ZFHX3: variants seen among roughly 807,000 people sequenced by gnomAD.
ZFHX3 encodes the protein zinc finger homeobox protein 3.
ZFHX3 carries 42 observed loss-of-function variants against 279.1 expected under a neutral mutation model. The ratio of observed to expected loss-of-function variants is 0.15; its 90% CI spans 0.12 to 0.19. The LOEUF (loss-of-function observed/expected upper bound fraction) is 0.19, where lower values mean the gene tolerates loss of function less well. Among genes scored for constraint, ZFHX3 ranks in the 10% least tolerant of loss-of-function variants. The probability of loss-of-function intolerance (pLI) is 1.00; values close to 1 mark genes in which losing one functional copy is unlikely to be tolerated. For missense variants in ZFHX3, 4,981 were observed against 4,754.0 expected, an observed-to-expected ratio of 1.05 and a Z score of -1.40; for synonymous variants, 2,293 against 1,957.8, an observed-to-expected ratio of 1.17 and a Z score of -4.52.
intron 4 of ZFHX3, among the ~76,000 whole-genome samples, chr16:72,842,320 C>CA (rs1336174439): frequency 6.6e-6 from 1 of 152,084 alleles, no homozygotes; most frequent in East Asian, 1.9e-4. Flanking sequence ...TCGGCTCAGG[C>CA]AATCTTCCCG....
chr16:72,907,487 C>A (rs1259805049), intron 3 of ZFHX3, among the ~76,000 whole-genome samples: 1 of 151,554 alleles, frequency 6.6e-6, no homozygotes, highest in Non-Finnish European at 1.5e-5. Flanking sequence ...TCCCCTGTAC[C>A]ACCCCTGTCT....
At chr16:73,891,775 TTCC>T (rs2030547602) in exon 1 of ZFHX3, 1 of 144,002 alleles carries the variant, frequency 6.9e-6, no homozygotes, top group African/African-American at 2.5e-5. Context: ...TCTCTCTCTC[TTCC>T]TCCTCCTCTT....
chr16:73,717,684 T>TC (rs1025568029), intron 1 of ZFHX3, among the ~76,000 whole-genome samples: 1 of 152,032 alleles, frequency 6.6e-6, no homozygotes, highest in African/African-American at 2.4e-5. Context: ...ACCTCTCTCT[T>TC]CCCCCCAGTT....
chr16:73,474,388 A>G (rs1228392980), intron 2 of ZFHX3, among the ~76,000 whole-genome samples: 2 of 152,160 alleles, frequency 1.3e-5, no homozygotes, highest in African/African-American at 4.8e-5. Flanking sequence ...ACCTCAGGTG[A>G]TCCACCCACC....
At chr16:73,596,092 C>T (rs1291989333) in intron 2 of ZFHX3, among the ~76,000 whole-genome samples, 3 of 151,842 alleles carry the variant, frequency 2.0e-5, no homozygotes, top group Non-Finnish European at 4.4e-5. Context: ...GCAATCTCGG[C>T]TCACTGCAAC....
intron 2 of ZFHX3, among the ~76,000 whole-genome samples, chr16:73,655,206 G>C (rs1375183111): frequency 6.6e-6 from 1 of 152,186 alleles, no homozygotes; most frequent in African/African-American, 2.4e-5. Context: ...TCCTCATTTC[G>C]CATCTTTGAG....
intron 1 of ZFHX3, among the ~76,000 whole-genome samples, chr16:73,021,753 C>T (rs1233616832): frequency 1.4e-5 from 2 of 147,930 alleles, no homozygotes; most frequent in South Asian, 4.3e-4. Flanking sequence ...ATCACTTGAA[C>T]CTGGGAGGTG....
intron 1 of ZFHX3, among the ~76,000 whole-genome samples, chr16:73,866,384 GC>G (rs1962022221): frequency 6.6e-6 from 1 of 151,558 alleles, no homozygotes; most frequent in Non-Finnish European, 1.5e-5. Context: ...TCACCATGTT[GC>G]CCTGGTGGGT....
At chr16:73,837,985 G>T (rs1429168657) in intron 1 of ZFHX3, among the ~76,000 whole-genome samples, 1 of 152,196 alleles carries the variant, frequency 6.6e-6, no homozygotes, top group Non-Finnish European at 1.5e-5. Context: ...ATGGTATAGG[G>T]ATAGAAGATT....
intron 1 of ZFHX3, among the ~76,000 whole-genome samples, chr16:73,026,524 A>T (rs982054536): frequency 3.9e-5 from 6 of 151,930 alleles, no homozygotes; most frequent in African/African-American, 7.3e-5. Context: ...ACAAAAAATT[A>T]GCTAGGCATG....
At chr16:72,821,894 A>G (rs1274105318) in intron 5 of ZFHX3, 4 of 152,218 alleles carry the variant, frequency 2.6e-5, no homozygotes, top group Non-Finnish European at 5.9e-5. Context: ...CTATAAAACC[A>G]TAGAACGAGG....
intron 5 of ZFHX3, among the ~76,000 whole-genome samples, chr16:73,195,802 C>T (rs948294985): frequency 3.9e-5 from 6 of 152,004 alleles, no homozygotes; most frequent in Non-Finnish European, 8.8e-5. Flanking sequence ...GAATCAGGAA[C>T]GGCAGGAAGT....
intron 2 of ZFHX3, chr16:73,554,277 A>G (rs1235814547): frequency 1.3e-5 from 2 of 152,216 alleles, no homozygotes; most frequent in African/African-American, 4.8e-5. Flanking sequence ...TACAGAGAAC[A>G]TCTGATGAAA....
intron 3 of ZFHX3, among the ~76,000 whole-genome samples, chr16:73,399,837 G>GGTGTGT (rs4011546): frequency 0.052 from 7,715 of 148,228 alleles, 552 homozygotes; most frequent in South Asian, 0.17. Flanking sequence ...TGTGGTGTGT[G>GGTGTGT]GTGTGTGTGT....
Position 73,508,509 on chromosome 16 carries a change from C to T in ZFHX3, c.-1546-52251G>A, listed in dbSNP as rs74572632. 3.5e-3 allele frequency among the ~76,000 whole-genome samples: 535 copies of T among 152,306 alleles called. 4 individuals carry two copies. Among genetic ancestry groups the T allele is most frequent in the African/African-American group, 0.012 (479 of 41,566 alleles). On this transcript the variant is annotated intron_variant, in intron 2 of 17. Coordinates refer to the ZFHX3 transcript ENST00000641206. ...AGCACAGACATGCAGCTCTTCAGCACTGTCATTACACACATGTGAGTTAGG... is the reference window on the plus strand; with the variant it reads ...AGCACAGACATGCAGCTCTTCAGCATTGTCATTACACACATGTGAGTTAGG...
At chr16:73,784,808 T>TACACACACAC (rs1344909710) in intron 1 of ZFHX3, among the ~76,000 whole-genome samples, 5,132 of 135,556 alleles carry the variant, frequency 0.038, 308 homozygotes, top group African/African-American at 0.13. Flanking sequence ...TATATATATA[T>TACACACACAC]ATATATATAC....
Position 72,957,774 on chromosome 16 carries a change from C to T in ZFHX3, c.2372G>A (p.Gly791Glu). Residue 791 changes from glycine (G) to glutamate (E), a missense_variant, in exon 2 of 10, where the codon GGG (glycine) becomes GAG (glutamate). Gly to Glu is a moderately conservative substitution (Grantham distance 98). This residue lies in a region of ZFHX3 where 1,751 missense variants were observed against 1,770.0 expected (regional missense o/e 0.99). Transcript: ENST00000268489. ...AAAANISSSC[G>E]APSPTKPKTK... is the part of the protein sequence containing the mutation. ...TTTTGGTTTGGTCGGCGAGGGGGCC[C>T]CGCAGGAGCTACTGATATTGGCTGC... 1.2e-6 allele frequency: 2 copies of T among 1,614,080 alleles called. No individual in the cohort carries two copies. Among genetic ancestry groups the T allele is most frequent in the East Asian group, 2.2e-5 (1 of 44,860 alleles).
chr16:73,578,499 G>T (rs945346533), intron 2 of ZFHX3, among the ~76,000 whole-genome samples: 1 of 152,110 alleles, frequency 6.6e-6, no homozygotes, highest in Middle Eastern at 3.2e-3. Flanking sequence ...ATGCTAAGAG[G>T]CTTTATGATT....
At chr16:72,844,902 C>T (rs1004013019) in intron 4 of ZFHX3, among the ~76,000 whole-genome samples, 1 of 151,604 alleles carries the variant, frequency 6.6e-6, no homozygotes, top group Non-Finnish European at 1.5e-5. Context: ...GAATGAAATG[C>T]TATTTCAATT....
Sources: gnomAD v4.1 joint callset for allele counts (sites outside exome capture counted in the v4.1 genomes callset) on GRCh38, gnomAD v4.1.1 for gene constraint, gnomAD v4.1.1 regional missense constraint, MANE v1.5 for transcripts, NCBI Gene and HGNC (gene_info 2026-07-23, HGNC 2026-07-21) for gene names.